HACL2: variants seen among roughly 807,000 people sequenced by gnomAD.
HACL2 encodes 2-hydroxyacyl-CoA lyase 1 like.
At chr19:15,117,454 A>C in the HACL2 span, 1 of 159,742 alleles carries the variant, frequency 6.3e-6, no homozygotes, top group South Asian at 1.8e-4. Flanking sequence ...CAGGAGGATC[A>C]CTTGAGGCCA....
chr19:15,116,525 G>A, the HACL2 span: 32 of 1,611,110 alleles, frequency 2.0e-5, no homozygotes, highest in Non-Finnish European at 2.5e-5. Flanking sequence ...CACATCTCCT[G>A]GGGAAGGAAG....
the HACL2 span, chr19:15,124,977 G>T: frequency 6.2e-7 from 1 of 1,606,088 alleles, no homozygotes; most frequent in Non-Finnish European, 8.5e-7. Context: ...GCCCAGCAAG[G>T]CGGCCACCAG....
the HACL2 span, chr19:15,116,557 G>T: frequency 6.5e-7 from 1 of 1,547,220 alleles, no homozygotes; most frequent in Admixed American, 1.8e-5. Context: ...GTGGGGAGCT[G>T]GCTTCCTCCT....
the HACL2 span, chr19:15,122,799 C>A: frequency 6.2e-7 from 1 of 1,614,148 alleles, no homozygotes; most frequent in South Asian, 1.1e-5. This position sits in a 1 kb window ranked among gnomAD's most constrained non-coding sequence, Gnocchi z 4.0. Flanking sequence ...TCCACAAACA[C>A]CGGACCTGCA....
the HACL2 span, chr19:15,123,873 C>CT: frequency 4.4e-6 from 2 of 459,080 alleles, no homozygotes; most frequent in Non-Finnish European, 3.9e-6. The surrounding 1 kb of genome is among the most constrained non-coding windows in gnomAD (Gnocchi z 5.1). Flanking sequence ...GTTACACTGC[C>CT]TGTCTCCAGG....
At chr19:15,115,467 T>C in the HACL2 span, 1 of 1,608,140 alleles carries the variant, frequency 6.2e-7, no homozygotes, top group Non-Finnish European at 8.5e-7. Flanking sequence ...TGGCAAGGAC[T>C]CAGCCCACCG....
At chr19:15,119,394 A>G in the HACL2 span, 4 of 1,613,264 alleles carry the variant, frequency 2.5e-6, no homozygotes, top group South Asian at 4.4e-5. Flanking sequence ...ACGTGAAAAC[A>G]AGGGCAGGGC....
the HACL2 span, chr19:15,115,893 A>G: frequency 2.5e-6 from 4 of 1,614,170 alleles, no homozygotes; most frequent in South Asian, 4.4e-5. Context: ...GCTGTAGCCA[A>G]AAGCTCCGTC....
chr19:15,119,184 C>T, the HACL2 span: 13 of 1,577,812 alleles, frequency 8.2e-6, no homozygotes. Context: ...ACAATGACAT[C>T]CGCCTTCTTC....
chr19:15,119,252 C>T, the HACL2 span: 15 of 1,610,148 alleles, frequency 9.3e-6, no homozygotes, highest in Admixed American at 3.4e-5. Context: ...TAACAGCCCC[C>T]GTGCCATCCC....
the HACL2 span, chr19:15,122,845 C>G: frequency 6.2e-7 from 1 of 1,613,448 alleles, no homozygotes; most frequent in East Asian, 2.2e-5. The surrounding 1 kb of genome is among the most constrained non-coding windows in gnomAD (Gnocchi z 4.0). Context: ...AACATGTCCC[C>G]AGCCCCTCGG....
the HACL2 span, chr19:15,115,754 C>G: frequency 1.3e-6 from 2 of 1,574,796 alleles, no homozygotes; most frequent in Non-Finnish European, 1.7e-6. Context: ...GATAGGGCCT[C>G]TGCCAGAGAG....
At chr19:15,123,095 T>C in the HACL2 span, 1 of 1,612,802 alleles carries the variant, frequency 6.2e-7, no homozygotes, top group Non-Finnish European at 8.5e-7. The surrounding 1 kb of genome is among the most constrained non-coding windows in gnomAD (Gnocchi z 5.1). Flanking sequence ...AGGCCCCCAC[T>C]GGCCCCCAAG....
chr19:15,119,919 CA>C, the HACL2 span: 11 of 1,141,928 alleles, frequency 9.6e-6, no homozygotes, highest in South Asian at 4.6e-5. Flanking sequence ...GGGAGAGGGT[CA>C]GGGGGCCCTC....
chr19:15,125,696 G>GC, the HACL2 span: 28 of 152,512 alleles, frequency 1.8e-4, no homozygotes, highest in African/African-American at 6.0e-4. Context: ...GCAGAATTCG[G>GC]CCCCCTCCGT....
chr19:15,119,382 G>A, the HACL2 span: 1 of 1,613,126 alleles, frequency 6.2e-7, no homozygotes, highest in Middle Eastern at 1.7e-4. Flanking sequence ...TGGGGACTGG[G>A]AACGTGAAAA....
chr19:15,119,109 G>GT, the HACL2 span: 1 of 1,504,090 alleles, frequency 6.6e-7, no homozygotes, highest in Non-Finnish European at 8.9e-7. Flanking sequence ...GTGAAGCTGG[G>GT]TAACAGGGTG....
chr19:15,119,040 T>G, the HACL2 span: 2 of 1,092,306 alleles, frequency 1.8e-6, no homozygotes, highest in Non-Finnish European at 2.5e-6. Context: ...TCAAAGCGCT[T>G]TATGTGAAAA....
chr19:15,119,036 C>T, the HACL2 span: 333 of 1,046,220 alleles, frequency 3.2e-4, 1 homozygote, highest in African/African-American at 4.7e-3. Context: ...GGGTTCAAAG[C>T]GCTTTATGTG....
Sources: allele counts gnomAD v4.1 joint callset, GRCh38; gene constraint gnomAD v4.1.1; non-coding constraint Gnocchi (gnomAD v3.1); transcripts MANE v1.5; gene names NCBI Gene and HGNC (gene_info 2026-07-23, HGNC 2026-07-21).